The following MYCBP2 variants were observed in gnomAD, a reference collection of about 807,000 sequenced individuals.
The protein encoded by MYCBP2 is E3 ubiquitin-protein ligase MYCBP2.
A neutral mutation model predicts 525.3 loss-of-function variants in MYCBP2; 120 were observed. The observed-to-expected ratio is 0.23, with a 90% CI of 0.20 to 0.27. MYCBP2 has a LOEUF of 0.27. Among genes scored for constraint, MYCBP2 ranks in the 10% least tolerant of loss-of-function variants. The pLI is 1.00. For missense variants in MYCBP2, 4,149 were observed against 5,657.1 expected, an observed-to-expected ratio of 0.73 and a Z score of 8.55; for synonymous variants, 1,894 against 1,955.8, an observed-to-expected ratio of 0.97 and a Z score of 0.83.
chr13:77,051,900 C>G lies in MYCBP2; in HGVS notation c.13666G>C (p.Ala4556Pro). 1 of 1,614,096 alleles carries G rather than the reference C, an allele frequency of 6.2e-7. No individual in the cohort carries two copies. The highest frequency in any genetic ancestry group is 8.5e-7 in the Non-Finnish European group (1 of 1,179,976). The stretch of plus-strand genomic sequence containing the variant: ...CGTCCAGCCTCAGCATCGCAGCGAG[C>G]TTCACCACCAAAATATGCCTGTGGA... ...KCRKAYFGGE[A>P]RCDAEAGRGD... is the part of the protein sequence containing the mutation. Residue 4556 changes from alanine (A) to proline (P), a missense_variant, in exon 81 of 83, where the codon GCT (alanine) becomes CCT (proline). Coordinates refer to ENST00000544440, the MANE Select transcript of MYCBP2 (RefSeq NM_015057.5).
At chr13:77,172,004 G>A (rs1333132427) in intron 37 of MYCBP2, among the ~76,000 whole-genome samples, 1 of 152,066 alleles carries the variant, frequency 6.6e-6, no homozygotes, top group Admixed American at 6.5e-5. Context: ...AGGTTCAAGC[G>A]ATTCTCCTCC....
At chr13:77,294,697 A>G (rs568567346) in intron 2 of MYCBP2, among the ~76,000 whole-genome samples, 1 of 152,330 alleles carries the variant, frequency 6.6e-6, no homozygotes, top group South Asian at 2.1e-4. Context: ...GGTTGGAATG[A>G]CTGTATTTGT....
In MYCBP2 at chr13:77,224,534, T is replaced by A. The variant is rs998210834; in HGVS notation, c.2858-2A>T. On this transcript the variant is annotated splice_acceptor_variant, in intron 19 of 82. Coordinates refer to ENST00000544440, the MANE Select transcript of MYCBP2 (RefSeq NM_015057.5). LOFTEE classifies it high-confidence loss of function. ...CATCTCCATTTTCCATTAAAACCAC[T>A]GCAACCAAAACACACAGCTTTATTT... 1 of 1,594,592 alleles carries A rather than the reference T, an allele frequency of 6.3e-7. No homozygotes were observed. The highest frequency in any genetic ancestry group is 8.6e-7 in the Non-Finnish European group (1 of 1,165,626).
intron 76 of MYCBP2, 61 bp from the exon 77 acceptor site, chr13:77,059,687 A>C: frequency 2.3e-6 from 3 of 1,290,448 alleles, no homozygotes; most frequent in Non-Finnish European, 3.4e-6. Context: ...ATGTTAACAG[A>C]ACTAAATTTT....
intron 15 of MYCBP2, among the ~76,000 whole-genome samples, chr13:77,244,475 A>G (rs904758814): frequency 3.3e-5 from 5 of 152,232 alleles, no homozygotes; most frequent in Non-Finnish European, 7.3e-5. Flanking sequence ...CAGAAAACTG[A>G]AACTGGACCC....
At chr13:77,294,109 T>TATATATACATATATATATATATATATAC (rs1555465540) in intron 2 of MYCBP2, among the ~76,000 whole-genome samples, 1 of 52,404 alleles carries the variant, frequency 1.9e-5, no homozygotes, top group African/African-American at 4.8e-5. Context: ...AATGGCTATA[T>TATATATACATATATATATATATATATAC]ATATATATAT....
At chr13:77,128,175 AG>A (rs1414084576) in intron 52 of MYCBP2, among the ~76,000 whole-genome samples, 3 of 151,914 alleles carry the variant, frequency 2.0e-5, no homozygotes, top group Non-Finnish European at 4.4e-5. Context: ...AGAGTAACAC[AG>A]GTCTAAACTT....
At chr13:77,201,362 A>G (rs2062523106) in intron 26 of MYCBP2, among the ~76,000 whole-genome samples, 1 of 150,694 alleles carries the variant, frequency 6.6e-6, no homozygotes, top group African/African-American at 2.4e-5. Context: ...ATATATATGC[A>G]CCCAATACAG....
intron 62 of MYCBP2, among the ~76,000 whole-genome samples, chr13:77,086,648 T>A (rs777392633): frequency 6.6e-6 from 1 of 152,166 alleles, no homozygotes; most frequent in Non-Finnish European, 1.5e-5. Flanking sequence ...TGTGTTGAAG[T>A]CTAGATAATT....
chr13:77,269,167 A>C (rs2154343457), intron 7 of MYCBP2, among the ~76,000 whole-genome samples: 1 of 152,240 alleles, frequency 6.6e-6, no homozygotes, highest in South Asian at 2.1e-4. Context: ...AGACACAAAA[A>C]CCCAGGGCTT....
intron 55 of MYCBP2, among the ~76,000 whole-genome samples, chr13:77,103,570 A>T (rs1305599522): frequency 6.6e-6 from 1 of 152,084 alleles, no homozygotes; most frequent in Non-Finnish European, 1.5e-5. Context: ...TATATCTCTG[A>T]TAAATCAAAA....
At chr13:77,306,797 C>CA (rs1298304120) in intron 1 of MYCBP2, among the ~76,000 whole-genome samples, 1 of 152,094 alleles carries the variant, frequency 6.6e-6, no homozygotes, top group Non-Finnish European at 1.5e-5. Flanking sequence ...ACTAAGAACA[C>CA]AGAGATACAA....
intron 20 of MYCBP2, among the ~76,000 whole-genome samples, chr13:77,220,359 C>T (rs2065374682): frequency 6.6e-6 from 1 of 152,044 alleles, no homozygotes; most frequent in Non-Finnish European, 1.5e-5. Context: ...GATATTTAAA[C>T]TTGAGAAACT....
chr13:77,245,848 GTA>G (rs941642695), intron 15 of MYCBP2, among the ~76,000 whole-genome samples: 21 of 94,936 alleles, frequency 2.2e-4, no homozygotes, highest in African/African-American at 5.7e-4. Context: ...ATATATATAT[GTA>G]TACACACACA....
intron 82 of MYCBP2, among the ~76,000 whole-genome samples, chr13:77,050,410 G>A (rs1034794881): frequency 1.3e-5 from 2 of 152,212 alleles, no homozygotes; most frequent in Middle Eastern, 3.4e-3. Context: ...TCACTTCCGT[G>A]AAGCCTGGTA....
In MYCBP2 at chr13:77,150,748, T is replaced by G. The variant is rs1485257122; in HGVS notation, c.7117A>C (p.Ile2373Leu). The part of the protein sequence containing the change: ...MIVKEARYIA[I>L]TMMKVYENYS... ...AAATAAATTACCTTCATCATTGTTA[T>G]GGCAATATATCGAGCTTCCTTCACT... Residue 2373 changes from isoleucine to leucine, a missense_variant, in exon 47 of 83, where the codon ATA (isoleucine) becomes CTA (leucine). Around this residue, in one of 21 missense-constraint regions of MYCBP2, gnomAD observed 692 missense variants for 852.7 expected, o/e 0.81. Coordinates refer to ENST00000544440, the MANE Select transcript of MYCBP2 (RefSeq NM_015057.5). The G allele has an allele frequency of 6.2e-6, 10 of 1,613,336 alleles. No homozygotes were observed. In the African/African-American group the frequency reaches 1.2e-4, roughly 19 times the overall value.
chr13:77,204,538 C>T (rs2063063602), intron 26 of MYCBP2, among the ~76,000 whole-genome samples: 1 of 104,288 alleles, frequency 9.6e-6, no homozygotes, highest in East Asian at 2.7e-4. Flanking sequence ...CCCAGCCATC[C>T]CATTACTGGG....
At chr13:77,216,734 G>C (rs1347219997) in intron 21 of MYCBP2, among the ~76,000 whole-genome samples, 1 of 152,120 alleles carries the variant, frequency 6.6e-6, no homozygotes, top group Non-Finnish European at 1.5e-5. Context: ...ATACATAGCT[G>C]TAGAAATGTT....
intron 71 of MYCBP2, among the ~76,000 whole-genome samples, chr13:77,066,746 A>G (rs188395173): frequency 2.6e-5 from 4 of 152,384 alleles, no homozygotes; most frequent in East Asian, 3.9e-4. Context: ...CTATTTCCTC[A>G]TAATGTTGCC....
Sources: gnomAD v4.1 joint callset for allele counts (sites outside exome capture counted in the v4.1 genomes callset) on GRCh38, gnomAD v4.1.1 for gene constraint, gnomAD v4.1.1 regional missense constraint, MANE v1.5 for transcripts, NCBI Gene and HGNC (gene_info 2026-07-23, HGNC 2026-07-21) for gene names.